FAM178B: variants seen among roughly 807,000 people sequenced by gnomAD.
The protein encoded by FAM178B is protein FAM178B.
Under a neutral mutation model 91.7 loss-of-function variants are expected in FAM178B, and 82 were observed. That is an observed-to-expected ratio of 0.89 (90% CI 0.75 to 1.07). The LOEUF is 1.07. FAM178B is among the 50% of genes least tolerant of loss of function. The pLI, the probability that FAM178B is intolerant of heterozygous loss-of-function variation, is 0.00. For missense variants in FAM178B, 769 were observed against 846.7 expected (o/e 0.91, Z 1.14); for synonymous variants, 368 against 359.4 (o/e 1.02, Z -0.27).
chr2:96,959,186 G>A lies in FAM178B; in HGVS notation c.887+1102C>T, dbSNP rs374210249. On this transcript the variant is annotated intron_variant, in intron 6 of 16. Coordinates refer to ENST00000490605, the MANE Select transcript of FAM178B (RefSeq NM_001122646.3). ...TGCACTCCAGCCTGGGTGACAGAGC[G>A]AGACTCAGTTTTGAAAAAAAAAAAA... Among the ~76,000 whole-genome samples the A allele has an allele frequency of 2.4e-3, 323 of 132,652 alleles. 12 individuals are homozygous for A. The East Asian group carries it at 0.045, about 19-fold the overall frequency. 87.0% of individuals were successfully genotyped at this position (132,652 alleles called of 152,430 possible). A position where few individuals can be genotyped will look rare whatever the true frequency, so the allele number is the denominator to read the frequency against.
intron 14 of FAM178B, among the ~76,000 whole-genome samples, chr2:96,893,696 C>T (rs900343726): frequency 1.3e-5 from 2 of 152,090 alleles, no homozygotes; most frequent in Non-Finnish European, 2.9e-5. Context: ...CCTACACCTG[C>T]GCACAGGGCG....
intron 12 of FAM178B, among the ~76,000 whole-genome samples, chr2:96,913,427 G>C (rs951088910): frequency 1.3e-5 from 2 of 152,176 alleles, no homozygotes; most frequent in African/African-American, 2.4e-5. Flanking sequence ...AGTGGAGAAG[G>C]GGTCCAGGAG....
intron 14 of FAM178B, among the ~76,000 whole-genome samples, chr2:96,885,041 G>A (rs959532253): frequency 1.3e-5 from 2 of 152,260 alleles, no homozygotes; most frequent in Non-Finnish European, 2.9e-5. Flanking sequence ...GACGTCACTG[G>A]TGGGGCCTGC....
intron 8 of FAM178B, among the ~76,000 whole-genome samples, chr2:96,940,474 T>G (rs2081710036): frequency 6.6e-6 from 1 of 152,048 alleles, no homozygotes; most frequent in Admixed American, 6.5e-5. Flanking sequence ...GAACAGAGAG[T>G]GTCAACCTGA....
chr2:96,972,075 C>T lies in FAM178B; in HGVS notation c.390G>A (p.Pro130=), dbSNP rs1015932064. 1.3e-5 allele frequency: 20 copies of T among 1,539,086 alleles called. No individual in the cohort carries two copies. The highest frequency in any genetic ancestry group is 8.6e-5 in the South Asian group (7 of 81,860). The change falls in exon 3 of 17, where the codon CCG becomes CCA. Residue 130 remains proline (P), a synonymous_variant. Transcript: ENST00000490605. The stretch of plus-strand genomic sequence containing the variant: ...CCACCACACCCACCCACCTCTGGGC[C>T]GGGGCCTCCCGACTGGCCTGCAGCA... ...PRVLQASREA[P]AQRWVGVVGP...
chr2:96,913,587 G>A (rs568157870), intron 12 of FAM178B, among the ~76,000 whole-genome samples: 30 of 152,302 alleles, frequency 2.0e-4, no homozygotes, highest in Middle Eastern at 3.4e-3. Flanking sequence ...TCCCCAGTGC[G>A]CAAGGACCTG....
chr2:96,941,524 A>C (rs763187340), intron 8 of FAM178B, among the ~76,000 whole-genome samples: 169 of 152,330 alleles, frequency 1.1e-3, no homozygotes, highest in Middle Eastern at 3.4e-3. Context: ...CCAGAGCTCG[A>C]GGAGAACAAA....
rs538971810 is a variant in FAM178B at position 96,878,507 on chromosome 2, A to C, written c.1777-14T>G. The C allele has an allele frequency of 2.2e-5, 35 of 1,613,080 alleles. No individual in the cohort carries two copies. In the East Asian group the frequency reaches 2.2e-4, roughly 10 times the overall value. ...CAGGTAGCAGGCCTGGAGGGAGAGC[A>C]CAGGGAGAGCTGCTTCTCTAACTCC... is the stretch of plus-strand genomic sequence containing the variant. On this transcript the variant is annotated splice_polypyrimidine_tract_variant and intron_variant, in intron 14 of 16. Coordinates refer to ENST00000490605, the MANE Select transcript of FAM178B (RefSeq NM_001122646.3).
intron 8 of FAM178B, 144 bp from the exon 9 acceptor site, chr2:96,929,464 A>T (rs893890412): frequency 4.6e-6 from 3 of 649,236 alleles, no homozygotes; most frequent in Non-Finnish European, 5.6e-6. Context: ...ATCTGGGGAA[A>T]TGAAGCAACT....
intron 12 of FAM178B, among the ~76,000 whole-genome samples, chr2:96,905,933 G>C: frequency 7.5e-6 from 1 of 132,952 alleles, no homozygotes; most frequent in South Asian, 2.4e-4. Context: ...ATGCAATGGT[G>C]CGATATCGGC....
intron 8 of FAM178B, among the ~76,000 whole-genome samples, chr2:96,935,475 A>AG (rs755229834): frequency 6.6e-6 from 1 of 152,116 alleles, no homozygotes; most frequent in Non-Finnish European, 1.5e-5. Context: ...TTAAGGATAC[A>AG]GGGCTCCCTC....
rs1035361498 is a variant in FAM178B, at chr2:96,921,705, A to C, written c.1288-51T>G. Reference sequence around the variant, plus strand: ...TGGCCAGGGCATGGGGGAACGGGAGAGTACTTCGAGGACCAGTTCCCTGGG... The same window carrying C: ...TGGCCAGGGCATGGGGGAACGGGAGCGTACTTCGAGGACCAGTTCCCTGGG... On this transcript the variant is annotated intron_variant, in intron 10 of 16. Transcript: ENST00000490605. 3 of 1,522,472 alleles carry C rather than the reference A, an allele frequency of 2.0e-6. No individual in the cohort carries two copies. The African/African-American group carries it at 4.1e-5, about 21-fold the overall frequency. The allele number at this position is 1,522,472 out of a possible 1,614,324, so 94.3% of individuals were successfully genotyped here.
intron 1 of FAM178B, among the ~76,000 whole-genome samples, chr2:96,973,816 A>G (rs1024354158): frequency 2.0e-5 from 3 of 151,650 alleles, no homozygotes; most frequent in African/African-American, 7.3e-5. Context: ...CCTGGCCAAC[A>G]TGACAAAACC....
chr2:96,978,975 T>TG (rs70964893), intron 1 of FAM178B, among the ~76,000 whole-genome samples: 1 of 91,400 alleles, frequency 1.1e-5, no homozygotes. Context: ...TATGTATCAC[T>TG]TTTTTTTTTT....
At chr2:96,949,948 G>A in intron 7 of FAM178B, 1 of 980,144 alleles carries the variant, frequency 1.0e-6, no homozygotes, top group Non-Finnish European at 1.2e-6. Flanking sequence ...AGGAGTAGGT[G>A]GCAGGGCCAG....
In FAM178B at chr2:96,972,623, G is replaced by A. The variant is rs2082238032; in HGVS notation, c.74-17C>T. 1.3e-6 allele frequency: 2 copies of A among 1,549,496 alleles called. No individual in the cohort carries two copies. Among genetic ancestry groups the A allele is most frequent in the African/African-American group, 2.7e-5 (2 of 73,138 alleles). Reference sequence around the variant, plus strand: ...ACATCTGTCCTGGAAGGAAGCGCCTGTGAGGGCAGGTGAACCTCCAGAAGA... The same window carrying A: ...ACATCTGTCCTGGAAGGAAGCGCCTATGAGGGCAGGTGAACCTCCAGAAGA... On this transcript the variant is annotated splice_polypyrimidine_tract_variant and intron_variant, in intron 1 of 16. Transcript: ENST00000490605.
At chr2:96,918,330 T>C (rs1336701455) in intron 12 of FAM178B, among the ~76,000 whole-genome samples, 3 of 151,920 alleles carry the variant, frequency 2.0e-5, no homozygotes, top group Admixed American at 2.0e-4. Context: ...AATTAACTGA[T>C]AGGAAAGTGG....
intron 8 of FAM178B, among the ~76,000 whole-genome samples, chr2:96,931,101 T>TG (rs2081532383): frequency 6.6e-6 from 1 of 152,220 alleles, no homozygotes; most frequent in Non-Finnish European, 1.5e-5. Context: ...TAAGATGGGC[T>TG]GGCAGTATCC....
intron 6 of FAM178B, among the ~76,000 whole-genome samples, chr2:96,957,815 G>A (rs1220791764): frequency 2.0e-5 from 3 of 151,842 alleles, no homozygotes; most frequent in Non-Finnish European, 2.9e-5. Context: ...CCTTACTAAT[G>A]TTCTTACACT....
Sources: gnomAD v4.1 joint callset for allele counts (sites outside exome capture counted in the v4.1 genomes callset) on GRCh38, gnomAD v4.1.1 for gene constraint, MANE v1.5 for transcripts, NCBI Gene and HGNC (gene_info 2026-07-23, HGNC 2026-07-21) for gene names.